PTPN2: variants seen among roughly 807,000 people sequenced by gnomAD.
PTPN2 encodes the protein tyrosine-protein phosphatase non-receptor type 2.
Under a neutral mutation model 57.3 loss-of-function variants are expected in PTPN2, and 19 were observed. The observed-to-expected ratio is 0.33, with a 90% confidence interval of 0.23 to 0.49. The LOEUF (loss-of-function observed/expected upper bound fraction) is 0.49, where lower values mean the gene tolerates loss of function less well. Among genes scored for constraint, PTPN2 ranks in the 20% least tolerant of loss-of-function variants. The pLI, the probability that PTPN2 is intolerant of heterozygous loss-of-function variation, is 0.99. For missense variants in PTPN2, 358 were observed against 501.1 expected (o/e 0.71, Z 2.73); for synonymous variants, 153 against 164.9 (o/e 0.93, Z 0.55).
At chr18:12,815,344 G>A (rs867750575) in intron 6 of PTPN2, among the ~76,000 whole-genome samples, 9 of 151,796 alleles carry the variant, frequency 5.9e-5, no homozygotes, top group African/African-American at 1.9e-4. Context: ...CCCGGGAGGC[G>A]GAGGTTGCAG....
intron 1 of PTPN2, among the ~76,000 whole-genome samples, chr18:12,865,688 G>A (rs185276317): frequency 1.3e-5 from 2 of 151,706 alleles, no homozygotes; most frequent in East Asian, 1.9e-4. Flanking sequence ...TGAGCTGGGC[G>A]TCATGGCATG....
intron 2 of PTPN2, among the ~76,000 whole-genome samples, chr18:12,844,214 G>A (rs1391881694): frequency 6.6e-6 from 1 of 152,194 alleles, no homozygotes; most frequent in Non-Finnish European, 1.5e-5. Flanking sequence ...CGAATCTGGG[G>A]CTACTACAGA....
intron 6 of PTPN2, among the ~76,000 whole-genome samples, chr18:12,815,274 T>C (rs2042035880): frequency 6.6e-6 from 1 of 151,732 alleles, no homozygotes; most frequent in Non-Finnish European, 1.5e-5. Flanking sequence ...TAGCTGGGCA[T>C]GGTGGTACGC....
intron 4 of PTPN2, among the ~76,000 whole-genome samples, chr18:12,829,630 C>T (rs1276768417): frequency 6.6e-6 from 1 of 151,936 alleles, no homozygotes; most frequent in Non-Finnish European, 1.5e-5. Context: ...TCCAGTATGT[C>T]CAAACCCATA....
intron 2 of PTPN2, among the ~76,000 whole-genome samples, chr18:12,856,275 G>A (rs1268714985): frequency 6.6e-6 from 1 of 152,250 alleles, no homozygotes; most frequent in Admixed American, 6.5e-5. Context: ...AGCCTTGGAA[G>A]AGATCATTTC....
At chr18:12,798,312 G>A (rs544830835) in intron 8 of PTPN2, among the ~76,000 whole-genome samples, 2 of 152,204 alleles carry the variant, frequency 1.3e-5, no homozygotes, top group East Asian at 1.9e-4. Context: ...TGTCATCTCC[G>A]TGACATGTAC....
At chr18:12,807,004 A>G (rs2041675619) in intron 7 of PTPN2, among the ~76,000 whole-genome samples, 1 of 152,218 alleles carries the variant, frequency 6.6e-6, no homozygotes, top group African/African-American at 2.4e-5. Context: ...GACAATCTAC[A>G]GAATGGAAGA....
At chr18:12,805,881 G>C (rs1469062415) in intron 7 of PTPN2, among the ~76,000 whole-genome samples, 1 of 152,022 alleles carries the variant, frequency 6.6e-6, no homozygotes, top group Non-Finnish European at 1.5e-5. Flanking sequence ...GCCCATCTCA[G>C]CCCCCCAAAG....
At chr18:12,844,585 T>C (rs1359671731) in intron 2 of PTPN2, among the ~76,000 whole-genome samples, 1 of 152,190 alleles carries the variant, frequency 6.6e-6, no homozygotes, top group Non-Finnish European at 1.5e-5. Flanking sequence ...CTTTTGCCCA[T>C]TTCCTAACTG....
intron 4 of PTPN2, 93 bp from the exon 5 acceptor site, chr18:12,826,037 T>C: frequency 9.7e-7 from 1 of 1,028,322 alleles, no homozygotes; most frequent in Non-Finnish European, 1.4e-6. Flanking sequence ...GATATATACA[T>C]GCTATATTTT....
intron 5 of PTPN2, among the ~76,000 whole-genome samples, chr18:12,824,044 G>A (rs1236212527): frequency 6.6e-6 from 1 of 152,176 alleles, no homozygotes; most frequent in Non-Finnish European, 1.5e-5. Flanking sequence ...ACCAAGAGAA[G>A]ATGATTCAGA....
chr18:12,822,722 C>T (rs1373781030), intron 5 of PTPN2, among the ~76,000 whole-genome samples: 2 of 152,140 alleles, frequency 1.3e-5, no homozygotes, highest in Admixed American at 6.5e-5. Context: ...GGCTATCAGC[C>T]CCCTACTCCA....
chr18:12,856,774 T>A (rs1247997067), intron 2 of PTPN2, among the ~76,000 whole-genome samples: 3 of 152,082 alleles, frequency 2.0e-5, no homozygotes, highest in Non-Finnish European at 4.4e-5. Context: ...AAAATAAAAT[T>A]ATCAGCTGGG....
intron 2 of PTPN2, among the ~76,000 whole-genome samples, chr18:12,841,485 G>C (rs1046106307): frequency 1.6e-4 from 25 of 152,366 alleles, no homozygotes; most frequent in Admixed American, 1.4e-3. Context: ...GTAATCAAAA[G>C]GTGATGAGGC....
rs746055165 is a variant in PTPN2 at position 12,793,148 on chromosome 18, AT to A, written c.*1129del. On this transcript the variant is annotated 3_prime_UTR_variant, in exon 9 of 9. Transcript: ENST00000309660. Reference sequence around the variant, plus strand: ...TTAAGTAAGACAAATTAAACACTGAATGGAATGTTGAAATCTGAGGAAAGCT... The same window carrying A: ...TTAAGTAAGACAAATTAAACACTGAAGGAATGTTGAAATCTGAGGAAAGCT... The A allele has an allele frequency of 1.2e-5, 12 of 985,268 alleles. No homozygotes were observed. In the East Asian group the frequency reaches 9.0e-4, roughly 74 times the overall value. 61.0% of individuals were successfully genotyped at this position (985,268 alleles called of 1,614,324 possible). A position where few individuals can be genotyped will look rare whatever the true frequency, so the allele number is the denominator to read the frequency against.
intron 7 of PTPN2, among the ~76,000 whole-genome samples, chr18:12,806,612 A>T (rs1285022928): frequency 5.3e-5 from 8 of 152,120 alleles, no homozygotes; most frequent in Non-Finnish European, 1.2e-4. Flanking sequence ...GACCAATAAA[A>T]CAGAAGACAG....
rs772259848 is a variant in PTPN2, at chr18:12,842,662, G to A, written c.161-5771C>T. ...ACATGAAGAATGTGGCTGGAGCCAC[G>A]GGGACAAAGCGGAGAGGAGCAGTCT... is the stretch of plus-strand genomic sequence containing the variant. On this transcript the variant is annotated intron_variant, in intron 2 of 8. Transcript: ENST00000309660. Among the ~76,000 whole-genome samples, 8 of 152,312 alleles carry A rather than the reference G, an allele frequency of 5.3e-5. No homozygotes were observed. The South Asian group carries it at 6.2e-4, about 12-fold the overall frequency.
At chr18:12,863,554 G>GTT (rs2043888174) in intron 1 of PTPN2, 12 of 45,764 alleles carry the variant, frequency 2.6e-4, no homozygotes, top group Non-Finnish European at 5.7e-4. Flanking sequence ...TTTTTTTTGG[G>GTT]GGGGGGGGGG....
intron 4 of PTPN2, among the ~76,000 whole-genome samples, chr18:12,827,342 C>CAAA (rs200266093): frequency 2.4e-4 from 33 of 136,612 alleles, no homozygotes; most frequent in African/African-American, 8.2e-4. Flanking sequence ...GACTCCGTCT[C>CAAA]AAAAAAAAAA....
Sources: allele counts gnomAD v4.1 joint callset (sites outside exome capture counted in the v4.1 genomes callset), GRCh38; gene constraint gnomAD v4.1.1; transcripts MANE v1.5; gene names NCBI Gene and HGNC (gene_info 2026-07-23, HGNC 2026-07-21).